MDM1: variants seen among roughly 807,000 people sequenced by gnomAD.
The protein encoded by MDM1 is Mdm1 nuclear protein.
MDM1 carries 61 observed loss-of-function variants against 89.1 expected under a neutral mutation model. The observed-to-expected ratio is 0.68, with a 90% CI of 0.56 to 0.85. MDM1 has a LOEUF of 0.85. MDM1 is among the 40% of genes least tolerant of loss of function. MDM1 has a pLI of 0.00. For synonymous variants in MDM1, 290 were observed against 294.1 expected, an observed-to-expected ratio of 0.99 and a Z score of 0.14; for missense variants, 820 against 846.5, an observed-to-expected ratio of 0.97 and a Z score of 0.39.
At chr12:68,317,018 A>T (rs1353723175) in intron 7 of MDM1, among the ~76,000 whole-genome samples, 3 of 151,992 alleles carry the variant, frequency 2.0e-5, no homozygotes, top group African/African-American at 7.3e-5. Flanking sequence ...ATTCCCTTGG[A>T]ATCAGCAAAA....
intron 12 of MDM1, among the ~76,000 whole-genome samples, chr12:68,311,853 T>C (rs1873738347): frequency 6.6e-6 from 1 of 152,208 alleles, no homozygotes; most frequent in East Asian, 1.9e-4. Context: ...GCACTTAGGC[T>C]TTTGTCCCTT....
intron 4 of MDM1, among the ~76,000 whole-genome samples, chr12:68,324,487 T>C (rs1044421369): frequency 6.6e-6 from 1 of 152,148 alleles, no homozygotes; most frequent in Admixed American, 6.5e-5. Flanking sequence ...AATTGAATAA[T>C]AATTAAGCCC....
chr12:68,312,119 C>T (rs573507112), intron 12 of MDM1, among the ~76,000 whole-genome samples: 3 of 152,264 alleles, frequency 2.0e-5, no homozygotes, highest in South Asian at 4.1e-4. Context: ...TCTCTGTCTA[C>T]ACCCACCCCC....
chr12:68,297,299 T>C (rs1406727784), intron 13 of MDM1, among the ~76,000 whole-genome samples: 1 of 152,256 alleles, frequency 6.6e-6, no homozygotes. Flanking sequence ...AGTAGGCTTC[T>C]GATTAGAGAT....
At chr12:68,325,894 C>T in intron 3 of MDM1, 1 of 1,009,088 alleles carries the variant, frequency 9.9e-7, no homozygotes, top group Non-Finnish European at 1.2e-6. Flanking sequence ...AGTCCCAGCA[C>T]TTTGCCTCAC....
In MDM1 at chr12:68,326,734, T is replaced by C. The variant is rs750383162; in HGVS notation, c.421A>G (p.Thr141Ala). 3.1e-6 allele frequency: 5 copies of C among 1,614,060 alleles called. No individual in the cohort carries two copies. In the East Asian group the frequency reaches 1.1e-4, roughly 36 times the overall value. The change falls in exon 3 of 15, where the codon ACA becomes GCA. Residue 141 changes from threonine (T) to alanine (A), a missense_variant. By Grantham distance (58) the Thr-to-Ala change is moderately conservative (BLOSUM62 0). Transcript: ENST00000682720. ...TTTTCATTAACTGGTGTATGGTTTG[T>C]TACACCCTCATTATTTTCCACATCT... ...ASDVENNEGVTNHTPVNENVE... is the reference protein window; with the variant it reads ...ASDVENNEGVANHTPVNENVE...
At chr12:68,332,160 C>A in intron 1 of MDM1, 68 bp downstream of exon 1, 3 of 1,504,722 alleles carry the variant, frequency 2.0e-6, no homozygotes, top group Non-Finnish European at 2.7e-6. Context: ...AGCGTGACCT[C>A]GGCGCTCCAC....
chr12:68,314,463 T>C (rs983835098), intron 10 of MDM1, among the ~76,000 whole-genome samples: 2 of 152,176 alleles, frequency 1.3e-5, no homozygotes, highest in Non-Finnish European at 2.9e-5. Flanking sequence ...AGGATTTAGA[T>C]TATAGACAAA....
At chr12:68,326,476 C>A in intron 3 of MDM1, 181 bp downstream of exon 3, 1 of 1,496,122 alleles carries the variant, frequency 6.7e-7, no homozygotes, top group South Asian at 1.4e-5. Flanking sequence ...AGCGAGTAGT[C>A]AGAATAGAAC....
chr12:68,308,839 T>A (rs1297262161), intron 12 of MDM1, among the ~76,000 whole-genome samples: 2 of 152,192 alleles, frequency 1.3e-5, no homozygotes, highest in East Asian at 3.8e-4. Context: ...CCTCCATCAA[T>A]CTTGTTGGGC....
In MDM1 at chr12:68,326,843, T is replaced by C; in HGVS notation, c.312A>G (p.Gln104=). The change falls in exon 3 of 15, where the codon CAA becomes CAG. Residue 104 remains glutamine (Q), a synonymous_variant. Transcript: ENST00000682720. ...AAGCTTCTAGTGAGTGAACTCTTTC[T>C]TGAGTAACATCCTTTTGTTCTGCTT... The part of the protein sequence containing the change: ...SQEAEQKDVT[Q]ERVHSLEASR... 6.2e-7 allele frequency: 1 copy of C among 1,613,992 alleles called. No individual in the cohort carries two copies. The highest frequency in any genetic ancestry group is 8.5e-7 in the Non-Finnish European group (1 of 1,179,876).
intron 3 of MDM1, chr12:68,326,122 A>C (rs1875932805): frequency 1.4e-5 from 14 of 1,010,894 alleles, no homozygotes; most frequent in Non-Finnish European, 1.7e-5. Flanking sequence ...AGATCCCCAC[A>C]CAAGTTCCTG....
At chr12:68,306,572 A>G (rs1406146616) in intron 12 of MDM1, among the ~76,000 whole-genome samples, 1 of 152,222 alleles carries the variant, frequency 6.6e-6, no homozygotes, top group Non-Finnish European at 1.5e-5. Context: ...AAAGGGGGCA[A>G]AGGACATGAA....
chr12:68,330,815 T>C (rs1876687099), intron 2 of MDM1: 1 of 320,988 alleles, frequency 3.1e-6, no homozygotes, highest in Non-Finnish European at 5.7e-6. Context: ...ACTGGCTTTT[T>C]TTAGCTTTCA....
intron 7 of MDM1, among the ~76,000 whole-genome samples, chr12:68,318,282 G>T (rs1445711761): frequency 1.3e-5 from 2 of 152,194 alleles, no homozygotes; most frequent in Non-Finnish European, 2.9e-5. Flanking sequence ...ACGGGGCAGT[G>T]GGGGTGGAAG....
intron 13 of MDM1, among the ~76,000 whole-genome samples, chr12:68,299,942 A>T (rs1038586792): frequency 2.6e-5 from 4 of 152,228 alleles, no homozygotes; most frequent in Admixed American, 1.3e-4. Context: ...GGCAAAAAGC[A>T]TCAGGTAACT....
chr12:68,302,081 AT>A (rs1305020696), intron 13 of MDM1, among the ~76,000 whole-genome samples: 9 of 152,340 alleles, frequency 5.9e-5, no homozygotes, highest in East Asian at 3.9e-4. Flanking sequence ...AATAAAAAAA[AT>A]AATACTCTCT....
intron 9 of MDM1, 50 bp downstream of exon 9, chr12:68,316,028 C>A: frequency 1.3e-6 from 2 of 1,485,312 alleles, no homozygotes; most frequent in South Asian, 1.3e-5. Flanking sequence ...ATTCTATGAT[C>A]TACATAAGCT....
intron 13 of MDM1, among the ~76,000 whole-genome samples, chr12:68,298,724 T>C (rs1592938777): frequency 6.6e-6 from 1 of 152,300 alleles, no homozygotes; most frequent in South Asian, 2.1e-4. Context: ...TCATCAAGGC[T>C]GGGACCTGTG....
Sources: allele counts gnomAD v4.1 joint callset (sites outside exome capture counted in the v4.1 genomes callset), GRCh38; gene constraint gnomAD v4.1.1; transcripts MANE v1.5; gene names NCBI Gene and HGNC (gene_info 2026-07-23, HGNC 2026-07-21).